Variants in ZNF713 observed in about 807,000 individuals in gnomAD.
The protein encoded by ZNF713 is zinc finger protein 713.
Under a neutral mutation model 28.7 loss-of-function variants are expected in ZNF713, and 21 were observed. The observed-to-expected ratio is 0.73, with a 90% confidence interval of 0.52 to 1.05. The LOEUF is 1.05. ZNF713 is among the 50% of genes least tolerant of loss of function. The pLI is 0.00. For synonymous variants in ZNF713, 167 were observed against 178.0 expected (o/e 0.94, Z 0.49); for missense variants, 458 against 532.4 (o/e 0.86, Z 1.37).
intron 4 of ZNF713, chr7:55,918,096 T>G: frequency 2.2e-6 from 1 of 456,724 alleles, no homozygotes; most frequent in South Asian, 1.5e-5. Context: ...GACTGGAGGA[T>G]GCAAAGCTTT....
intron 4 of ZNF713, among the ~76,000 whole-genome samples, chr7:55,914,300 A>G (rs1785840579): frequency 6.6e-6 from 1 of 152,292 alleles, no homozygotes; most frequent in East Asian, 1.9e-4. Context: ...CATTCCAATT[A>G]TATGTGATAA....
chr7:55,920,901 G>C (rs551021777), intron 4 of ZNF713, among the ~76,000 whole-genome samples: 42 of 152,082 alleles, frequency 2.8e-4, no homozygotes, highest in Non-Finnish European at 5.1e-4. Context: ...GATTACAGGC[G>C]TGAGCCACCA....
chr7:55,931,914 A>G (rs1184833378), intron 6 of ZNF713, among the ~76,000 whole-genome samples: 1 of 152,222 alleles, frequency 6.6e-6, no homozygotes, highest in East Asian at 1.9e-4. Context: ...TTCAGGAACC[A>G]GGTCCACAGG....
chr7:55,919,762 A>C (rs1785957567), intron 4 of ZNF713, among the ~76,000 whole-genome samples: 1 of 152,036 alleles, frequency 6.6e-6, no homozygotes. Flanking sequence ...TTAATCACCA[A>C]ATGAATTCAT....
intron 1 of ZNF713, among the ~76,000 whole-genome samples, chr7:55,900,630 C>T (rs1184542736): frequency 1.3e-5 from 2 of 152,050 alleles, no homozygotes; most frequent in East Asian, 1.9e-4. Flanking sequence ...TCACTTAAAA[C>T]GTGGACTCTA....
chr7:55,939,415 T>G lies in ZNF713; in HGVS notation c.741T>G (p.His247Gln). 6.2e-7 allele frequency: 1 copy of G among 1,613,938 alleles called. No homozygotes were observed. Among genetic ancestry groups the G allele is most frequent in the Non-Finnish European group, 8.5e-7 (1 of 1,180,030 alleles). Residue 247 changes from histidine (H) to glutamine (Q), a missense_variant, in exon 7 of 7, where the codon CAT (histidine) becomes CAG (glutamine). His to Gln is a conservative substitution (Grantham distance 24). Transcript: ENST00000429591. ...YSECGKIFNQ[H>Q]ILLTDHIHTA... ...AGTGTGGAAAAATCTTCAATCAACA[T>G]ATTCTTCTTACTGATCATATTCATA... is the stretch of plus-strand genomic sequence containing the variant.
rs1490492887 is a variant in ZNF713 at position 55,940,924 on chromosome 7, T to C, written c.*918T>C. On this transcript the variant is annotated 3_prime_UTR_variant, in exon 7 of 7. Coordinates refer to ENST00000429591, the MANE Select transcript of ZNF713 (RefSeq NM_182633.3). ...TCCACCTCCTGGGTTCCAGCGATTCTTCTGCTTCAGCCTCCCGAGTAGCTG... is the reference window on the plus strand; with the variant it reads ...TCCACCTCCTGGGTTCCAGCGATTCCTCTGCTTCAGCCTCCCGAGTAGCTG... 3 of 148,028 alleles carry C rather than the reference T, an allele frequency of 2.0e-5. No individual in the cohort carries two copies. Among genetic ancestry groups the C allele is most frequent in the African/African-American group, 7.4e-5 (3 of 40,508 alleles). 9.2% of individuals were successfully genotyped at this position (148,028 alleles called of 1,614,324 possible).
At chr7:55,938,331 A>T (rs1056742810) in intron 6 of ZNF713, among the ~76,000 whole-genome samples, 2 of 151,394 alleles carry the variant, frequency 1.3e-5, no homozygotes, top group Admixed American at 1.3e-4. Flanking sequence ...AATGAAATTT[A>T]AAAATCATAA....
chr7:55,909,084 G>A (rs1340610310), intron 2 of ZNF713, among the ~76,000 whole-genome samples: 11 of 151,302 alleles, frequency 7.3e-5, no homozygotes, highest in Middle Eastern at 3.4e-3. Context: ...TGTAATCCCA[G>A]CTACTTGGGA....
At chr7:55,917,389 T>G (rs1191392654) in intron 4 of ZNF713, among the ~76,000 whole-genome samples, 1 of 151,464 alleles carries the variant, frequency 6.6e-6, no homozygotes, top group African/African-American at 2.4e-5. Context: ...CAGCAAGAGA[T>G]TAGGAGTCCA....
chr7:55,913,363 G>A (rs1288288806), intron 4 of ZNF713, among the ~76,000 whole-genome samples: 5 of 151,556 alleles, frequency 3.3e-5, no homozygotes, highest in Admixed American at 6.6e-5. Flanking sequence ...CACCACGCCC[G>A]GCCAATTTTT....
chr7:55,918,168 T>C (rs1785920224), intron 4 of ZNF713: 3 of 455,992 alleles, frequency 6.6e-6, no homozygotes. Context: ...TTGGGATGCT[T>C]ACTCTAAACC....
At chr7:55,907,455 G>A (rs887195895) in intron 2 of ZNF713, among the ~76,000 whole-genome samples, 1 of 152,196 alleles carries the variant, frequency 6.6e-6, no homozygotes, top group Non-Finnish European at 1.5e-5. Flanking sequence ...CAGAAGACAT[G>A]ATTTCATTCT....
At position 55,914,887 on chromosome 7, in the gene ZNF713, C is replaced by G. The variant is rs541293533; in HGVS notation, c.87+2164C>G. On this transcript the variant is annotated intron_variant, in intron 4 of 6. Coordinates refer to ENST00000429591, the MANE Select transcript of ZNF713 (RefSeq NM_182633.3). ...TTATTTTTTTTGAGACAGAGACTTA[C>G]TGTGTCACCCAGGCTGGAGTGCAGT... Among the ~76,000 whole-genome samples, 28 of 152,266 alleles carry G rather than the reference C, an allele frequency of 1.8e-4. 2 individuals are homozygous for G. In the South Asian group the frequency reaches 5.6e-3, roughly 30 times the overall value.
At chr7:55,910,446 A>G (rs575862911) in intron 2 of ZNF713, among the ~76,000 whole-genome samples, 1 of 151,636 alleles carries the variant, frequency 6.6e-6, no homozygotes, top group Non-Finnish European at 1.5e-5. Flanking sequence ...TATGGCTTTT[A>G]TTATTTTGAG....
chr7:55,894,020 G>T (rs1474544436), intron 1 of ZNF713, among the ~76,000 whole-genome samples: 1 of 152,204 alleles, frequency 6.6e-6, no homozygotes, highest in Non-Finnish European at 1.5e-5. Flanking sequence ...CCTTTAATTT[G>T]CAGTATCATT....
rs909066742 is a variant in ZNF713 at position 55,940,095 on chromosome 7, A to C, written c.*89A>C. 5 of 1,476,812 alleles carry C rather than the reference A, an allele frequency of 3.4e-6. No homozygotes were observed. Among genetic ancestry groups the C allele is most frequent in the Non-Finnish European group, 4.5e-6 (5 of 1,120,304 alleles). 91.5% of individuals were successfully genotyped at this position (1,476,812 alleles called of 1,614,324 possible). A position where few individuals can be genotyped will look rare whatever the true frequency, so the allele number is the denominator to read the frequency against. ...TCCCATTCAATATCAAATTATTCAT[A>C]GTGGAGAGAAAGCTTATACATAAAT... is the stretch of plus-strand genomic sequence containing the variant. On this transcript the variant is annotated 3_prime_UTR_variant, in exon 7 of 7. Coordinates refer to ENST00000429591, the MANE Select transcript of ZNF713 (RefSeq NM_182633.3).
chr7:55,929,748 C>CAAA (rs767798285), intron 6 of ZNF713, among the ~76,000 whole-genome samples: 95 of 135,768 alleles, frequency 7.0e-4, no homozygotes, highest in South Asian at 2.9e-3. Context: ...GAGCAAGACT[C>CAAA]AAAAAAAAAA....
chr7:55,920,320 A>G (rs1000164409), intron 4 of ZNF713, among the ~76,000 whole-genome samples: 4 of 152,282 alleles, frequency 2.6e-5, no homozygotes, highest in Admixed American at 6.5e-5. Context: ...CAGCCAAGTC[A>G]TGTGTACAAA....
Sources: allele counts gnomAD v4.1 joint callset (sites outside exome capture counted in the v4.1 genomes callset), GRCh38; gene constraint gnomAD v4.1.1; transcripts MANE v1.5; gene names NCBI Gene and HGNC (gene_info 2026-07-23, HGNC 2026-07-21).